Variants in PDE4D observed in about 807,000 individuals in gnomAD.
The protein encoded by PDE4D is phosphodiesterase 4D.
PDE4D carries 24 observed loss-of-function variants against 87.4 expected under a neutral mutation model. The ratio of observed to expected loss-of-function variants is 0.27; its 90% confidence interval spans 0.20 to 0.39. The LOEUF (loss-of-function observed/expected upper bound fraction) is 0.39, where lower values mean the gene tolerates loss of function less well. Ranked by LOEUF, PDE4D falls within the 10% of genes least tolerant of loss-of-function variation. PDE4D has a pLI of 1.00. For synonymous variants in PDE4D, 384 were observed against 383.2 expected (o/e 1.00, Z -0.02); for missense variants, 714 against 1,041.0 (o/e 0.69, Z 4.32).
chr5:60,139,292 T>C (rs1780317498), intron 2 of PDE4D, among the ~76,000 whole-genome samples: 1 of 152,074 alleles, frequency 6.6e-6, no homozygotes, highest in East Asian at 1.9e-4. Context: ...AATGCTACAC[T>C]CATCAGGTTT....
At chr5:59,657,587 C>T (rs1056386731) in intron 1 of PDE4D, among the ~76,000 whole-genome samples, 1 of 152,116 alleles carries the variant, frequency 6.6e-6, no homozygotes, top group African/African-American at 2.4e-5. Flanking sequence ...TATATACTAT[C>T]TAAACATTTA....
At chr5:60,152,177 T>G (rs948946103) in intron 2 of PDE4D, among the ~76,000 whole-genome samples, 8 of 152,186 alleles carry the variant, frequency 5.3e-5, no homozygotes, top group African/African-American at 1.9e-4. Flanking sequence ...TTGAGGAGTT[T>G]TGCATCTATA....
At chr5:60,125,173 C>T (rs1198704586) in intron 2 of PDE4D, among the ~76,000 whole-genome samples, 19 of 152,182 alleles carry the variant, frequency 1.2e-4, no homozygotes, top group Non-Finnish European at 1.5e-5. Context: ...TATCTTTCCA[C>T]TGATATATCT....
At chr5:59,650,900 A>G (rs1424492455) in intron 1 of PDE4D, among the ~76,000 whole-genome samples, 1 of 152,156 alleles carries the variant, frequency 6.6e-6, no homozygotes, top group Non-Finnish European at 1.5e-5. Flanking sequence ...GCCCAAATGA[A>G]TGTGTTGTAG....
chr5:59,900,199 C>T (rs1752090070), intron 3 of PDE4D, among the ~76,000 whole-genome samples: 1 of 149,770 alleles, frequency 6.7e-6, no homozygotes, highest in South Asian at 2.1e-4. Flanking sequence ...ATGATCACAC[C>T]ACTGCACTCT....
chr5:60,100,289 C>T (rs996634811), intron 2 of PDE4D, among the ~76,000 whole-genome samples: 2 of 151,912 alleles, frequency 1.3e-5, no homozygotes, highest in Non-Finnish European at 2.9e-5. Flanking sequence ...AATATAATTT[C>T]TCATAGATGG....
chr5:59,203,702 T>C (rs1180128134), intron 2 of PDE4D, among the ~76,000 whole-genome samples: 1 of 152,204 alleles, frequency 6.6e-6, no homozygotes, highest in Non-Finnish European at 1.5e-5. Flanking sequence ...AATATGGATG[T>C]TCCTAGAATA....
intron 6 of PDE4D, among the ~76,000 whole-genome samples, chr5:59,010,993 G>GA (rs975557862): frequency 4.6e-5 from 7 of 152,154 alleles, no homozygotes; most frequent in Non-Finnish European, 1.0e-4. Context: ...AATATTTGCG[G>GA]TTCGGCAGCC....
chr5:60,518,857 C>T (rs555061797), intron 1 of PDE4D, among the ~76,000 whole-genome samples: 90 of 152,298 alleles, frequency 5.9e-4, no homozygotes, highest in African/African-American at 2.0e-3. Flanking sequence ...CAGTCTCCTA[C>T]CTTATTTTGG....
chr5:59,319,953 A>T (rs1774419536), intron 1 of PDE4D, among the ~76,000 whole-genome samples: 1 of 152,154 alleles, frequency 6.6e-6, no homozygotes, highest in South Asian at 2.1e-4. Flanking sequence ...GAAAAGTGAA[A>T]TAAGATTAAG....
chr5:60,450,536 T>C (rs1746019902), intron 1 of PDE4D, among the ~76,000 whole-genome samples: 1 of 152,072 alleles, frequency 6.6e-6, no homozygotes, highest in South Asian at 2.1e-4. Flanking sequence ...ATGCAGCATT[T>C]CTTTGTGGAA....
chr5:59,580,646 TAGAG>T (rs1369745124), intron 1 of PDE4D, among the ~76,000 whole-genome samples: 6 of 152,032 alleles, frequency 3.9e-5, no homozygotes, highest in South Asian at 2.1e-4. Flanking sequence ...TTTAAAAAAA[TAGAG>T]AGAGAGACAG....
chr5:60,047,495 G>C (rs1011429248), intron 2 of PDE4D, among the ~76,000 whole-genome samples: 7 of 152,094 alleles, frequency 4.6e-5, no homozygotes, highest in Admixed American at 1.3e-4. Context: ...GCTTTCTCTT[G>C]TGGGCATTTA....
chr5:60,049,594 C>T (rs1769820832), intron 2 of PDE4D, among the ~76,000 whole-genome samples: 1 of 152,134 alleles, frequency 6.6e-6, no homozygotes, highest in African/African-American at 2.4e-5. Flanking sequence ...AGACAGGACC[C>T]TCAGCTGCAG....
intron 5 of PDE4D, 199 bp from the exon 6 acceptor site, chr5:59,039,170 G>A (rs1048622187): frequency 1.2e-4 from 166 of 1,364,430 alleles, no homozygotes; most frequent in Admixed American, 2.1e-4. Flanking sequence ...CGGCCTCGGG[G>A]AGGCACGGTC....
chr5:59,647,244 TTA>T (rs896690218), intron 1 of PDE4D, among the ~76,000 whole-genome samples: 36 of 152,134 alleles, frequency 2.4e-4, no homozygotes, highest in African/African-American at 8.7e-4. Context: ...GTTTAATAAT[TTA>T]TATGTTAATA....
At chr5:59,148,984 C>T (rs556783504) in intron 5 of PDE4D, among the ~76,000 whole-genome samples, 1 of 152,124 alleles carries the variant, frequency 6.6e-6, no homozygotes, top group East Asian at 1.9e-4. Context: ...GCCTGGGTGT[C>T]AGGATAGGAA....
chr5:60,045,678 T>G (rs147931430), intron 2 of PDE4D, among the ~76,000 whole-genome samples: 3 of 152,218 alleles, frequency 2.0e-5, no homozygotes, highest in African/African-American at 7.2e-5. Context: ...GTTGTAGATA[T>G]GCAGCATTAT....
At chr5:59,888,045 T>G (rs77647737) in intron 1 of PDE4D, among the ~76,000 whole-genome samples, 9,676 of 152,304 alleles carry the variant, frequency 0.064, 344 homozygotes, top group Middle Eastern at 0.16. Context: ...CACATGTTTC[T>G]TCAAATGTAA....
Sources: gnomAD v4.1 joint callset for allele counts (sites outside exome capture counted in the v4.1 genomes callset) on GRCh38, gnomAD v4.1.1 for gene constraint, MANE v1.5 for transcripts, NCBI Gene and HGNC (gene_info 2026-07-23, HGNC 2026-07-21) for gene names.